The following PPP1R37 variants were observed in gnomAD, a reference collection of about 807,000 sequenced individuals.
PPP1R37 encodes protein phosphatase 1 regulatory subunit 37.
A neutral mutation model predicts 61.0 loss-of-function variants in PPP1R37; 21 were observed. The ratio of observed to expected loss-of-function variants is 0.34; its 90% CI spans 0.24 to 0.50. The LOEUF is 0.50. PPP1R37 is among the 20% of genes least tolerant of loss of function. PPP1R37 has a pLI of 0.98. For synonymous variants in PPP1R37, 443 were observed against 433.5 expected, an observed-to-expected ratio of 1.02 and a Z score of -0.27; for missense variants, 910 against 952.7, an observed-to-expected ratio of 0.96 and a Z score of 0.59.
chr19:45,100,053 C>T (rs930748117), intron 1 of PPP1R37: 10 of 152,228 alleles, frequency 6.6e-5, no homozygotes, highest in African/African-American at 1.9e-4. Flanking sequence ...GATTAAGAAC[C>T]GTGGGGCCAA....
intron 1 of PPP1R37, among the ~76,000 whole-genome samples, chr19:45,111,819 A>G (rs1209977643): frequency 6.6e-6 from 1 of 152,156 alleles, no homozygotes; most frequent in Non-Finnish European, 1.5e-5. Flanking sequence ...GTCAGGTTCA[A>G]TAAAAAGGGA....
At chr19:45,118,903 C>T (rs527317043) in intron 1 of PPP1R37, among the ~76,000 whole-genome samples, 62 of 151,862 alleles carry the variant, frequency 4.1e-4, no homozygotes, top group African/African-American at 1.4e-3. Context: ...ACCTCCCTCC[C>T]GGCCCACCTG....
chr19:45,145,868 A>T lies in PPP1R37; in HGVS notation c.1812A>T (p.Leu604=), dbSNP rs904637190. 3 of 1,298,356 alleles carry T rather than the reference A, an allele frequency of 2.3e-6. No homozygotes were observed. The South Asian group carries it at 3.9e-5, about 17-fold the overall frequency. The allele number at this position is 1,298,356 out of a possible 1,614,324, so 80.4% of individuals were successfully genotyped here. The change falls in exon 11 of 13, where the codon CTA becomes CTT. Residue 604 remains leucine (L), a synonymous_variant. Coordinates refer to ENST00000221462, the MANE Select transcript of PPP1R37 (RefSeq NM_019121.2). ...PPPSPPASPS[L]PPAGAIDTRD... is the part of the protein sequence containing the mutation. The stretch of plus-strand genomic sequence containing the variant: ...CCTCCCCACCCGCCTCACCTTCCCT[A>T]CCACCAGCCGGGGCCATTGACACCC...
chr19:45,096,647 G>A (rs1338472815), intron 1 of PPP1R37, among the ~76,000 whole-genome samples: 1 of 152,180 alleles, frequency 6.6e-6, no homozygotes, highest in African/African-American at 2.4e-5. Flanking sequence ...GAGCCTGGCT[G>A]GGAGGAGTTT....
chr19:45,115,043 C>G (rs529687201), intron 1 of PPP1R37, among the ~76,000 whole-genome samples: 1 of 152,280 alleles, frequency 6.6e-6, no homozygotes, highest in Admixed American at 6.5e-5. Flanking sequence ...CTTAGTGGTT[C>G]AGGCATGCAT....
chr19:45,093,570 C>A, intron 1 of PPP1R37, 43 bp downstream of exon 1: 1 of 1,470,844 alleles, frequency 6.8e-7, no homozygotes, highest in Non-Finnish European at 9.2e-7. Context: ...GAGAGGGACC[C>A]GGGAGTCGGG....
At chr19:45,127,352 CAAAAA>C (rs11295552) in intron 1 of PPP1R37, among the ~76,000 whole-genome samples, 221 of 69,646 alleles carry the variant, frequency 3.2e-3, no homozygotes, top group African/African-American at 0.01. Flanking sequence ...AACTCCATCT[CAAAAA>C]AAAAAAAAAA....
rs533208665 is a variant in PPP1R37 at position 45,111,268 on chromosome 19, A to G, written c.202+17741A>G. ...TCCCTTCTGCTTTTTAATTATTATT[A>G]TTATTATTATTATTATTTTTAATTG... On this transcript the variant is annotated intron_variant, in intron 1 of 12. Transcript: ENST00000221462. Among the ~76,000 whole-genome samples the G allele has an allele frequency of 4.4e-4, 66 of 150,636 alleles. 1 individual carries two copies. The highest frequency in any genetic ancestry group is 9.0e-4 in the Non-Finnish European group (61 of 67,734).
chr19:45,126,375 G>A lies in PPP1R37; in HGVS notation c.203-12139G>A, dbSNP rs181076545. ...AGCTCACCAAGCCCTCCCTGGGAAGGTGCTGTTGATGCAGCAGGGAGGCCC... is the reference window on the plus strand; with the variant it reads ...AGCTCACCAAGCCCTCCCTGGGAAGATGCTGTTGATGCAGCAGGGAGGCCC... On this transcript the variant is annotated intron_variant, in intron 1 of 12. Coordinates refer to ENST00000221462, the MANE Select transcript of PPP1R37 (RefSeq NM_019121.2). 9.9e-4 allele frequency among the ~76,000 whole-genome samples: 151 copies of A among 152,298 alleles called. 1 individual carries two copies. Among genetic ancestry groups the A allele is most frequent in the African/African-American group, 3.5e-3 (147 of 41,558 alleles).
chr19:45,145,127 G>C lies in PPP1R37; in HGVS notation c.1163G>C (p.Ser388Thr). ...AVAVAEFIAE[S>T]PRLLRLDLRE... The stretch of plus-strand genomic sequence containing the variant: ...GCGGTGGCGGAGTTCATCGCTGAGA[G>C]CCCCCGCCTCCTGAGACTGGACCTT... Residue 388 changes from serine (S) to threonine (T), a missense_variant, in exon 10 of 13, where the codon AGC becomes ACC. This residue lies in a region of PPP1R37 where 549 missense variants were observed against 505.1 expected (regional missense o/e 1.09). Transcript: ENST00000221462. The C allele has an allele frequency of 1.3e-6, 2 of 1,534,590 alleles. No individual in the cohort carries two copies. Among genetic ancestry groups the C allele is most frequent in the Non-Finnish European group, 1.7e-6 (2 of 1,146,214 alleles).
chr19:45,107,983 G>A (rs1460504279), intron 1 of PPP1R37, among the ~76,000 whole-genome samples: 3 of 152,112 alleles, frequency 2.0e-5, no homozygotes, highest in African/African-American at 7.2e-5. Context: ...AGTGATGTTC[G>A]TCCTTGTCCA....
At chr19:45,143,813 G>A (rs1968645921) in intron 8 of PPP1R37, 180 bp downstream of exon 8, 1 of 509,828 alleles carries the variant, frequency 2.0e-6, no homozygotes, top group Admixed American at 3.6e-5. Flanking sequence ...TTTCCCTGAG[G>A]AGGAGCCCTT....
chr19:45,104,224 T>C (rs1308405412), intron 1 of PPP1R37, among the ~76,000 whole-genome samples: 1 of 152,156 alleles, frequency 6.6e-6, no homozygotes, highest in African/African-American at 2.4e-5. Context: ...CCATGGCGCC[T>C]CCTCGCTCTG....
chr19:45,138,495 G>A lies in PPP1R37; in HGVS notation c.203-19G>A. Reference sequence around the variant, plus strand: ...TCGGGGTGTGGACAGTCACAGGCCTGGGTCCCCTGTGCCTGCAGCCCAGAA... The same window carrying A: ...TCGGGGTGTGGACAGTCACAGGCCTAGGTCCCCTGTGCCTGCAGCCCAGAA... On this transcript the variant is annotated intron_variant, in intron 1 of 12. Coordinates refer to ENST00000221462, the MANE Select transcript of PPP1R37 (RefSeq NM_019121.2). The A allele has an allele frequency of 1.3e-6, 2 of 1,528,206 alleles. No individual in the cohort carries two copies. The highest frequency in any genetic ancestry group is 1.4e-5 in the African/African-American group (1 of 72,976). 94.7% of individuals were successfully genotyped at this position (1,528,206 alleles called of 1,614,324 possible).
chr19:45,116,935 CAG>C (rs1248588267), intron 1 of PPP1R37, among the ~76,000 whole-genome samples: 2 of 127,662 alleles, frequency 1.6e-5, no homozygotes, highest in South Asian at 2.5e-4. Flanking sequence ...TTTTTTGAGA[CAG>C]AGTTTCGCTC....
At chr19:45,128,472 C>T (rs79322367) in intron 1 of PPP1R37, 79,909 of 666,548 alleles carry the variant, frequency 0.12, 5,674 homozygotes, top group Middle Eastern at 0.15. Context: ...GTAGAGGCAG[C>T]GGCAGCAGCA....
chr19:45,116,372 T>C lies in PPP1R37; in HGVS notation c.203-22142T>C, dbSNP rs77443181. Among the ~76,000 whole-genome samples the C allele has an allele frequency of 7.7e-3, 1,172 of 152,308 alleles. 11 individuals are homozygous for C. Among genetic ancestry groups the C allele is most frequent in the African/African-American group, 0.025 (1,055 of 41,574 alleles). On this transcript the variant is annotated intron_variant, in intron 1 of 12. Coordinates refer to ENST00000221462, the MANE Select transcript of PPP1R37 (RefSeq NM_019121.2). Reference sequence around the variant, plus strand: ...CCTGGGGTCTGGAGGCCTGGCTCCTTGTTGGCTATGTAAGCCTAGCCCGCC... The same window carrying C: ...CCTGGGGTCTGGAGGCCTGGCTCCTCGTTGGCTATGTAAGCCTAGCCCGCC...
chr19:45,104,244 G>T (rs752406266), intron 1 of PPP1R37, among the ~76,000 whole-genome samples: 1 of 152,172 alleles, frequency 6.6e-6, no homozygotes, highest in Non-Finnish European at 1.5e-5. Flanking sequence ...GTTGTTATTT[G>T]TTCGGGCCCA....
In PPP1R37 at chr19:45,138,631, G is replaced by A. The variant is rs948125909; in HGVS notation, c.300+20G>A. 2.3e-5 allele frequency: 33 copies of A among 1,434,996 alleles called. 1 individual carries two copies. The highest frequency in any genetic ancestry group is 3.0e-5 in the Non-Finnish European group (32 of 1,055,864). 88.9% of individuals were successfully genotyped at this position (1,434,996 alleles called of 1,614,324 possible). ...CTGCAGGTATGGGCGGGACAGGGTG[G>A]GTGCGTCCGGTGTGGGTGTCAAGGG... On this transcript the variant is annotated intron_variant, in intron 2 of 12. Coordinates refer to ENST00000221462, the MANE Select transcript of PPP1R37 (RefSeq NM_019121.2).
Sources: allele counts gnomAD v4.1 joint callset (sites outside exome capture counted in the v4.1 genomes callset), GRCh38; gene constraint gnomAD v4.1.1; regional missense constraint gnomAD v4.1.1; transcripts MANE v1.5; gene names NCBI Gene and HGNC (gene_info 2026-07-23, HGNC 2026-07-21).